Variants in COL11A1 observed in about 807,000 individuals in gnomAD.
COL11A1 encodes collagen type XI alpha 1 chain, also known as collagen alpha-1(XI) chain.
In COL11A1, 74 loss-of-function variants were observed where a neutral mutation model predicts 265.2. The ratio of observed to expected loss-of-function variants is 0.28; its 90% CI spans 0.23 to 0.34. The LOEUF is 0.34. Among genes scored for constraint, COL11A1 ranks in the 10% least tolerant of loss-of-function variants. COL11A1 has a pLI of 1.00. For synonymous variants in COL11A1, 816 were observed against 727.6 expected, an observed-to-expected ratio of 1.12 and a Z score of -1.96; for missense variants, 2,165 against 2,263.6, an observed-to-expected ratio of 0.96 and a Z score of 0.88.
At chr1:102,983,797 C>A (rs1663267154) in intron 31 of COL11A1, among the ~76,000 whole-genome samples, 2 of 151,990 alleles carry the variant, frequency 1.3e-5, no homozygotes, top group Admixed American at 1.3e-4. Context: ...GTAATTTAAA[C>A]CCTTAGGATA....
In COL11A1 at chr1:102,915,628, T is replaced by TA. The variant is rs1469787406; in HGVS notation, c.3816+2dup. ...ACTATGTTAACAATAACACAGTACT[T>TA]ACGCCTACACCTGCTTCCCCAGGAG... On this transcript the variant is annotated splice_region_variant and intron_variant, in intron 50 of 66. Transcript: ENST00000370096. 2 of 1,612,478 alleles carry TA rather than the reference T, an allele frequency of 1.2e-6. No individual in the cohort carries two copies. Among genetic ancestry groups the TA allele is most frequent in the Non-Finnish European group, 1.7e-6 (2 of 1,178,532 alleles).
intron 46 of COL11A1, among the ~76,000 whole-genome samples, chr1:102,924,383 C>T (rs890921403): frequency 6.6e-6 from 1 of 152,174 alleles, no homozygotes; most frequent in Non-Finnish European, 1.5e-5. Context: ...TAGTTCTTGA[C>T]TACTTATTTG....
intron 4 of COL11A1, among the ~76,000 whole-genome samples, chr1:103,036,876 G>T (rs1312021374): frequency 6.6e-6 from 1 of 152,040 alleles, no homozygotes; most frequent in Non-Finnish European, 1.5e-5. Context: ...ATCTCCAGCT[G>T]TGTCAACTGG....
chr1:102,949,278 C>G (rs925272883), intron 41 of COL11A1, among the ~76,000 whole-genome samples: 1 of 150,402 alleles, frequency 6.6e-6, no homozygotes, highest in African/African-American at 2.5e-5. Flanking sequence ...TAGTATTTCA[C>G]TTCTAACCCT....
At chr1:102,921,419 A>G in intron 48 of COL11A1, 99 bp downstream of exon 48, 1 of 958,646 alleles carries the variant, frequency 1.0e-6, no homozygotes, top group Non-Finnish European at 1.6e-6. Flanking sequence ...AATATTAAAC[A>G]ATAGTTTAAT....
intron 54 of COL11A1, among the ~76,000 whole-genome samples, chr1:102,910,485 A>C (rs1654523198): frequency 6.6e-6 from 1 of 152,184 alleles, no homozygotes; most frequent in Admixed American, 6.6e-5. Flanking sequence ...GTAATAGAAT[A>C]TTTAAAATCA....
intron 1 of COL11A1, among the ~76,000 whole-genome samples, chr1:103,102,644 T>A (rs1674373360): frequency 6.6e-6 from 1 of 152,016 alleles, no homozygotes; most frequent in Non-Finnish European, 1.5e-5. Context: ...AATAAAAGTG[T>A]ATCTAATAAA....
intron 14 of COL11A1, 99 bp downstream of exon 14, chr1:103,012,314 G>T (rs1252663533): frequency 4.6e-6 from 4 of 867,816 alleles, no homozygotes; most frequent in Non-Finnish European, 7.7e-6. Flanking sequence ...ATACCCTATT[G>T]TCACCAACCA....
At chr1:103,035,233 C>G (rs543545766) in intron 4 of COL11A1, among the ~76,000 whole-genome samples, 2 of 152,162 alleles carry the variant, frequency 1.3e-5, no homozygotes, top group Admixed American at 1.3e-4. Flanking sequence ...TTGAGCCTTT[C>G]AAGTCTCCTT....
chr1:102,883,489 T>C (rs1446330940), intron 63 of COL11A1, among the ~76,000 whole-genome samples, 178 bp from the exon 64 acceptor site: 1 of 152,196 alleles, frequency 6.6e-6, no homozygotes, highest in Non-Finnish European at 1.5e-5. Context: ...TACTTTCTCT[T>C]GTCTGCCTCA....
chr1:103,065,573 CAA>C (rs61016929), intron 4 of COL11A1, among the ~76,000 whole-genome samples: 3,514 of 130,176 alleles, frequency 0.027, 175 homozygotes, highest in African/African-American at 0.1. Flanking sequence ...AACAAACAAA[CAA>C]AAAAAATAGC....
intron 59 of COL11A1, 100 bp from the exon 60 acceptor site, chr1:102,889,019 A>G (rs2100854426): frequency 9.2e-7 from 1 of 1,083,254 alleles, no homozygotes; most frequent in African/African-American, 1.5e-5. Flanking sequence ...ACACTGTAAA[A>G]TTTAGAGAAT....
chr1:102,920,230 A>G, intron 49 of COL11A1, 81 bp downstream of exon 49: 1 of 1,224,384 alleles, frequency 8.2e-7, no homozygotes, highest in Non-Finnish European at 1.2e-6. Flanking sequence ...CACACATACT[A>G]GAAGCACTTA....
chr1:102,990,004 G>A (rs1458775065), intron 28 of COL11A1, among the ~76,000 whole-genome samples: 1 of 152,052 alleles, frequency 6.6e-6, no homozygotes, highest in Non-Finnish European at 1.5e-5. Context: ...TGGGCCACAT[G>A]GCAAAACCCA....
At chr1:103,025,455 G>T in intron 7 of COL11A1, 66 bp downstream of exon 7, 1 of 1,064,808 alleles carries the variant, frequency 9.4e-7, no homozygotes, top group Non-Finnish European at 1.5e-6. Flanking sequence ...CCAGAGTGAA[G>T]TATATCAAAA....
chr1:102,940,818 C>T (rs1254990860), intron 42 of COL11A1, among the ~76,000 whole-genome samples: 1 of 152,108 alleles, frequency 6.6e-6, no homozygotes, highest in East Asian at 1.9e-4. Context: ...AATGCAGTTG[C>T]TCATATGTCC....
intron 2 of COL11A1, among the ~76,000 whole-genome samples, chr1:103,082,069 C>T (rs1166810294): frequency 6.6e-6 from 1 of 151,916 alleles, no homozygotes; most frequent in East Asian, 1.9e-4. Context: ...CCACTCAATT[C>T]CCTTTCTCCA....
At position 103,078,763 on chromosome 1, in the gene COL11A1, C is replaced by G; in HGVS notation, c.383G>C (p.Gly128Ala). ...IYNEHGIQQI[G>A]VEVGRSPVFL... ...AACAGGTGATCTCCCAACCTCAACA[C>G]CAATTTGCTGAATACCATGCTCATT... is the stretch of plus-strand genomic sequence containing the variant. The change falls in exon 3 of 67, where the codon GGT (glycine) becomes GCT (alanine). Residue 128 changes from glycine (G) to alanine (A), a missense_variant. Transcript: ENST00000370096. 1 of 1,613,326 alleles carries G rather than the reference C, an allele frequency of 6.2e-7. No individual in the cohort carries two copies. The highest frequency in any genetic ancestry group is 1.1e-5 in the South Asian group (1 of 91,076).
At chr1:103,022,517 G>T (rs944912554) in intron 8 of COL11A1, among the ~76,000 whole-genome samples, 2 of 152,082 alleles carry the variant, frequency 1.3e-5, no homozygotes, top group Non-Finnish European at 2.9e-5. Context: ...TTCTATTCAA[G>T]ATTTTACTTT....
Sources: gnomAD v4.1 joint callset for allele counts (sites outside exome capture counted in the v4.1 genomes callset) on GRCh38, gnomAD v4.1.1 for gene constraint, MANE v1.5 for transcripts, NCBI Gene and HGNC (gene_info 2026-07-23, HGNC 2026-07-21) for gene names.